ZNF385D: variants seen among roughly 807,000 people sequenced by gnomAD.
ZNF385D encodes the protein zinc finger protein 385D.
Under a neutral mutation model 35.8 loss-of-function variants are expected in ZNF385D, and 15 were observed. The ratio of observed to expected loss-of-function variants is 0.42; its 90% confidence interval spans 0.28 to 0.64. The LOEUF is 0.64. Among genes scored for constraint, ZNF385D ranks in the 30% least tolerant of loss-of-function variants. The pLI is 0.23. For synonymous variants in ZNF385D, 212 were observed against 186.8 expected (o/e 1.13, Z -1.10); for missense variants, 474 against 494.6 (o/e 0.96, Z 0.39).
At chr3:21,548,799 T>C (rs911105847) in intron 3 of ZNF385D, among the ~76,000 whole-genome samples, 4 of 152,322 alleles carry the variant, frequency 2.6e-5, no homozygotes, top group East Asian at 3.9e-4. Context: ...TCCCCTGATA[T>C]CATACATAAA....
intron 4 of ZNF385D, among the ~76,000 whole-genome samples, chr3:21,496,337 G>A (rs1267533396): frequency 1.4e-5 from 2 of 141,542 alleles, no homozygotes; most frequent in African/African-American, 5.1e-5. Context: ...GCCAACTTTA[G>A]GTATCAAGTA....
chr3:21,758,906 G>C (rs993132905), intron 3 of ZNF385D, among the ~76,000 whole-genome samples: 3 of 135,564 alleles, frequency 2.2e-5, no homozygotes, highest in Admixed American at 8.6e-5. Context: ...AACTTTGGTA[G>C]TCCCAGACCA....
At chr3:21,516,321 A>G (rs1400565212) in intron 3 of ZNF385D, among the ~76,000 whole-genome samples, 3 of 152,228 alleles carry the variant, frequency 2.0e-5, no homozygotes, top group Admixed American at 2.0e-4. Context: ...AAAGATAATT[A>G]CAATAGGAGA....
intron 2 of ZNF385D, among the ~76,000 whole-genome samples, chr3:22,237,262 T>A (rs1699238613): frequency 6.6e-6 from 1 of 152,190 alleles, no homozygotes; most frequent in African/African-American, 2.4e-5. Flanking sequence ...TGACTTCCAT[T>A]TACCTAATTT....
chr3:21,812,794 T>C (rs1348252642), intron 3 of ZNF385D, among the ~76,000 whole-genome samples: 1 of 152,106 alleles, frequency 6.6e-6, no homozygotes, highest in African/African-American at 2.4e-5. Context: ...ACAAAAGGCG[T>C]CAGAAACCTG....
chr3:21,639,938 GA>G (rs1284106234), intron 2 of ZNF385D, among the ~76,000 whole-genome samples: 1 of 151,956 alleles, frequency 6.6e-6, no homozygotes, highest in African/African-American at 2.4e-5. Flanking sequence ...TATTATATAA[GA>G]AACAATCCAA....
At chr3:22,082,361 T>G (rs1165392970) in intron 3 of ZNF385D, among the ~76,000 whole-genome samples, 1 of 152,150 alleles carries the variant, frequency 6.6e-6, no homozygotes, top group African/African-American at 2.4e-5. Flanking sequence ...TACTGCACTT[T>G]TCCAATGGTC....
intron 1 of ZNF385D, among the ~76,000 whole-genome samples, chr3:21,679,803 C>T (rs554240501): frequency 1.3e-5 from 2 of 152,156 alleles, no homozygotes; most frequent in East Asian, 3.9e-4. Context: ...CTCGATAGAA[C>T]TGTTAGTGAG....
At chr3:22,291,947 T>C (rs1702322265) in intron 2 of ZNF385D, among the ~76,000 whole-genome samples, 1 of 152,060 alleles carries the variant, frequency 6.6e-6, no homozygotes, top group South Asian at 2.1e-4. Flanking sequence ...ATCATAATCA[T>C]GTTTTATTCA....
At chr3:21,557,113 A>G (rs962338399) in intron 3 of ZNF385D, among the ~76,000 whole-genome samples, 1 of 152,200 alleles carries the variant, frequency 6.6e-6, no homozygotes, top group African/African-American at 2.4e-5. Flanking sequence ...TCATCTGCAA[A>G]CAGACAAGTT....
chr3:22,143,322 G>A (rs909201504), intron 3 of ZNF385D, among the ~76,000 whole-genome samples: 1 of 152,012 alleles, frequency 6.6e-6, no homozygotes, highest in Non-Finnish European at 1.5e-5. Flanking sequence ...CTGACCTCCT[G>A]ATCTGCCCGC....
intron 3 of ZNF385D, among the ~76,000 whole-genome samples, chr3:22,016,705 G>A (rs767784221): frequency 4.7e-4 from 71 of 152,044 alleles, no homozygotes; most frequent in Non-Finnish European, 7.7e-4. Context: ...GAGTCATCTG[G>A]ACTTCCAATT....
chr3:21,578,440 T>C (rs991884744), intron 2 of ZNF385D, among the ~76,000 whole-genome samples: 11 of 152,202 alleles, frequency 7.2e-5, no homozygotes, highest in Admixed American at 4.6e-4. Flanking sequence ...TGTTTACTTC[T>C]AATAGAGTTA....
intron 3 of ZNF385D, among the ~76,000 whole-genome samples, chr3:22,082,625 G>T (rs1368425749): frequency 6.6e-6 from 1 of 152,208 alleles, no homozygotes; most frequent in Non-Finnish European, 1.5e-5. Context: ...TAGGGGCAGG[G>T]CATAGCTGAA....
chr3:21,692,866 T>C (rs9310654), intron 1 of ZNF385D, among the ~76,000 whole-genome samples: 25,950 of 152,232 alleles, frequency 0.17, 2,431 homozygotes, highest in East Asian at 0.23. Flanking sequence ...GCTACCGATA[T>C]GGATGCTACT....
intron 2 of ZNF385D, among the ~76,000 whole-genome samples, chr3:22,310,001 C>T (rs1703451170): frequency 1.3e-5 from 2 of 151,874 alleles, no homozygotes; most frequent in South Asian, 4.1e-4. Flanking sequence ...CAAACAGTAC[C>T]TCACTTGAGA....
chr3:21,882,123 G>T (rs548748811), intron 3 of ZNF385D, among the ~76,000 whole-genome samples: 3 of 152,030 alleles, frequency 2.0e-5, no homozygotes, highest in African/African-American at 2.4e-5. Context: ...TAAATCAGTG[G>T]CAGAGTTTCA....
At chr3:22,000,435 C>T (rs936287807) in intron 3 of ZNF385D, among the ~76,000 whole-genome samples, 2 of 152,220 alleles carry the variant, frequency 1.3e-5, no homozygotes, top group African/African-American at 2.4e-5. Flanking sequence ...AGGAAGTTAC[C>T]CTATATGGTC....
intron 3 of ZNF385D, among the ~76,000 whole-genome samples, chr3:21,915,438 C>A (rs1700148637): frequency 6.6e-6 from 1 of 152,064 alleles, no homozygotes; most frequent in African/African-American, 2.4e-5. Context: ...TATCATGCCT[C>A]TTTTTAATGT....
Sources: gnomAD v4.1 joint callset for allele counts (sites outside exome capture counted in the v4.1 genomes callset) on GRCh38, gnomAD v4.1.1 for gene constraint, MANE v1.5 for transcripts, NCBI Gene and HGNC (gene_info 2026-07-23, HGNC 2026-07-21) for gene names.